ADAM23: variants seen among roughly 807,000 people sequenced by gnomAD.
The protein encoded by ADAM23 is disintegrin and metalloproteinase domain-containing protein 23.
Under a neutral mutation model 120.1 loss-of-function variants are expected in ADAM23, and 33 were observed. The observed-to-expected ratio is 0.27, with a 90% CI of 0.21 to 0.37. The LOEUF (loss-of-function observed/expected upper bound fraction) is 0.37. Among genes scored for constraint, ADAM23 ranks in the 10% least tolerant of loss-of-function variants. The probability of loss-of-function intolerance (pLI) is 1.00; values close to 1 mark genes in which losing one functional copy is unlikely to be tolerated. For synonymous variants in ADAM23, 367 were observed against 375.2 expected, an observed-to-expected ratio of 0.98 and a Z score of 0.25; for missense variants, 862 against 1,058.2, an observed-to-expected ratio of 0.81 and a Z score of 2.57.
intron 3 of ADAM23, among the ~76,000 whole-genome samples, chr2:206,523,278 T>A (rs565720135): frequency 1.5e-4 from 21 of 142,278 alleles, no homozygotes; most frequent in African/African-American, 4.6e-4. Flanking sequence ...TCATATGGTT[T>A]AGGAGATCAT....
At chr2:206,556,140 A>G (rs574450556) in intron 9 of ADAM23, among the ~76,000 whole-genome samples, 2 of 152,290 alleles carry the variant, frequency 1.3e-5, no homozygotes, top group Non-Finnish European at 2.9e-5. Context: ...TAACATGAAC[A>G]GTAATAGTAA....
At chr2:206,470,210 T>C (rs1483848926) in intron 2 of ADAM23, among the ~76,000 whole-genome samples, 1 of 152,112 alleles carries the variant, frequency 6.6e-6, no homozygotes, top group Non-Finnish European at 1.5e-5. Flanking sequence ...TAATATATAA[T>C]CTGAGGAAAT....
chr2:206,536,528 A>G (rs935518478), intron 4 of ADAM23, among the ~76,000 whole-genome samples: 1 of 152,152 alleles, frequency 6.6e-6, no homozygotes, highest in Non-Finnish European at 1.5e-5. Context: ...AATGGATAGC[A>G]TAAGGGCTAT....
rs1421083237 is a variant in ADAM23 at position 206,541,911 on chromosome 2, T to TTA, written c.574-140_574-139insAT. On this transcript the variant is annotated intron_variant, in intron 4 of 25. Coordinates refer to ENST00000264377, the MANE Select transcript of ADAM23 (RefSeq NM_003812.4). ...AAAATTGCCTAGTCTTATTTGCAACTTTATATAGGAGGAGTTTCTAGGGTT... is the reference window on the plus strand; with the variant it reads ...AAAATTGCCTAGTCTTATTTGCAACTTATTATATAGGAGGAGTTTCTAGGGTT... The TTA allele has an allele frequency of 1.1e-5, 9 of 800,094 alleles. No homozygotes were observed. In the Admixed American group the frequency reaches 1.8e-4, roughly 16 times the overall value. 49.6% of individuals were successfully genotyped at this position (800,094 alleles called of 1,614,324 possible). A position where few individuals can be genotyped will look rare whatever the true frequency, so the allele number is the denominator to read the frequency against.
intron 4 of ADAM23, among the ~76,000 whole-genome samples, chr2:206,535,672 G>A (rs763461663): frequency 6.6e-6 from 1 of 152,180 alleles, no homozygotes; most frequent in African/African-American, 2.4e-5. Flanking sequence ...GATAAATCTT[G>A]TAAACATTAT....
Position 206,582,753 on chromosome 2 carries a change from T to C in ADAM23, c.1738-4572T>C, listed in dbSNP as rs1574547994. Among the ~76,000 whole-genome samples the C allele has an allele frequency of 3.3e-5, 5 of 152,328 alleles. No individual in the cohort carries two copies. In the Middle Eastern group the frequency reaches 0.017, roughly 518 times the overall value. ...AGCAGTTCTTGTAGTGGTGGTTTGG[T>C]AGTGGAAAATTCTCTCAGCATTTGT... is the stretch of plus-strand genomic sequence containing the variant. On this transcript the variant is annotated intron_variant, in intron 18 of 25. Coordinates refer to ENST00000264377, the MANE Select transcript of ADAM23 (RefSeq NM_003812.4).
intron 3 of ADAM23, among the ~76,000 whole-genome samples, chr2:206,482,379 A>C (rs1210117758): frequency 2.0e-5 from 3 of 152,196 alleles, no homozygotes; most frequent in Admixed American, 6.5e-5. Flanking sequence ...GCCAAATCTT[A>C]CACTATGTTG....
rs1385835865 is a variant in ADAM23 at position 206,617,764 on chromosome 2, A to G, written c.*137A>G. 8 of 1,485,694 alleles carry G rather than the reference A, an allele frequency of 5.4e-6. No individual in the cohort carries two copies. The highest frequency in any genetic ancestry group is 1.4e-5 in the African/African-American group (1 of 71,352). 92.0% of individuals were successfully genotyped at this position (1,485,694 alleles called of 1,614,324 possible). A position where few individuals can be genotyped will look rare whatever the true frequency, so the allele number is the denominator to read the frequency against. ...TGACTACGGAGCTAAAGTTGGGGTG[A>G]CAAGGATGGGGTAAAAGAAAACTGT... is the stretch of plus-strand genomic sequence containing the variant. On this transcript the variant is annotated 3_prime_UTR_variant, in exon 26 of 26. Transcript: ENST00000264377.
chr2:206,502,836 A>G (rs747276629), intron 3 of ADAM23, among the ~76,000 whole-genome samples: 3 of 152,240 alleles, frequency 2.0e-5, no homozygotes, highest in South Asian at 2.1e-4. Flanking sequence ...ACTCAATACA[A>G]TGTTTAAAGG....
chr2:206,580,733 G>GAATGAATTAGGGAGGATTCCTTCT (rs1313814916), intron 18 of ADAM23, among the ~76,000 whole-genome samples: 45 of 152,234 alleles, frequency 3.0e-4, no homozygotes, highest in Non-Finnish European at 5.9e-4. Context: ...TGGCTTCATA[G>GAATGAATTAGGGAGGATTCCTTCT]AATGAATTAG....
chr2:206,460,153 A>G (rs1695385943), intron 2 of ADAM23, among the ~76,000 whole-genome samples: 1 of 152,114 alleles, frequency 6.6e-6, no homozygotes, highest in Non-Finnish European at 1.5e-5. Flanking sequence ...TCACTGAAGA[A>G]AATTAGGCTA....
chr2:206,581,744 C>G (rs1698221965), intron 18 of ADAM23, among the ~76,000 whole-genome samples: 3 of 152,094 alleles, frequency 2.0e-5, no homozygotes, highest in African/African-American at 7.2e-5. Context: ...TCCATTTGTT[C>G]CAAGGTATGG....
At chr2:206,572,272 A>C (rs572175300) in intron 17 of ADAM23, among the ~76,000 whole-genome samples, 2 of 152,174 alleles carry the variant, frequency 1.3e-5, no homozygotes, top group African/African-American at 4.8e-5. Flanking sequence ...AGAAAGTGAG[A>C]TAGGAAAGTA....
chr2:206,586,149 A>G (rs942596285), intron 18 of ADAM23, among the ~76,000 whole-genome samples: 2 of 152,242 alleles, frequency 1.3e-5, no homozygotes, highest in African/African-American at 4.8e-5. Flanking sequence ...TGTCACAGAG[A>G]TGACGGGGTG....
At chr2:206,488,446 G>A (rs1359787807) in intron 3 of ADAM23, among the ~76,000 whole-genome samples, 1 of 152,142 alleles carries the variant, frequency 6.6e-6, no homozygotes, top group Non-Finnish European at 1.5e-5. Flanking sequence ...TGGGTCCCCT[G>A]GTAGCAGACC....
chr2:206,506,590 C>A (rs1015347668), intron 3 of ADAM23, among the ~76,000 whole-genome samples: 1 of 152,186 alleles, frequency 6.6e-6, no homozygotes, highest in African/African-American at 2.4e-5. Context: ...TTTACTCTTT[C>A]AAGCATTTCG....
At chr2:206,519,612 C>T (rs535727523) in intron 3 of ADAM23, among the ~76,000 whole-genome samples, 1 of 152,252 alleles carries the variant, frequency 6.6e-6, no homozygotes, top group East Asian at 1.9e-4. Flanking sequence ...TGTTCTCTTT[C>T]TCTTCTTGGT....
At chr2:206,597,018 C>T (rs888354718) in intron 24 of ADAM23, among the ~76,000 whole-genome samples, 3 of 150,596 alleles carry the variant, frequency 2.0e-5, no homozygotes, top group African/African-American at 7.4e-5. Flanking sequence ...AGAATCCTGC[C>T]ACCATGCCTG....
intron 8 of ADAM23, 84 bp from the exon 9 acceptor site, chr2:206,550,011 A>G: frequency 1.3e-6 from 1 of 775,038 alleles, no homozygotes; most frequent in Non-Finnish European, 2.0e-6. Flanking sequence ...CTGAAATTCA[A>G]AGTCTTATCT....
Sources: allele counts gnomAD v4.1 joint callset (sites outside exome capture counted in the v4.1 genomes callset), GRCh38; gene constraint gnomAD v4.1.1; transcripts MANE v1.5; gene names NCBI Gene and HGNC (gene_info 2026-07-23, HGNC 2026-07-21).